RSF1: variants seen among roughly 807,000 people sequenced by gnomAD.
The protein encoded by RSF1 is HBV pX-associated protein 8.
Under a neutral mutation model 145.2 loss-of-function variants are expected in RSF1, and 13 were observed. The ratio of observed to expected loss-of-function variants is 0.09; its 90% confidence interval spans 0.06 to 0.14. The LOEUF (loss-of-function observed/expected upper bound fraction) is 0.14, where lower values mean the gene tolerates loss of function less well. Among genes scored for constraint, RSF1 ranks in the 10% least tolerant of loss-of-function variants. The probability of loss-of-function intolerance (pLI) is 1.00; values close to 1 mark genes in which losing one functional copy is unlikely to be tolerated. For missense variants in RSF1, 1,517 were observed against 1,718.2 expected (o/e 0.88, Z 2.07); for synonymous variants, 577 against 592.6 (o/e 0.97, Z 0.38).
intron 2 of RSF1, among the ~76,000 whole-genome samples, chr11:77,758,104 C>A (rs900192637): frequency 6.1e-5 from 9 of 148,528 alleles, no homozygotes; most frequent in Non-Finnish European, 1.0e-4. Context: ...CCACTGCACT[C>A]TAGACTGGGC....
At chr11:77,710,690 T>C (rs1264789078) in intron 5 of RSF1, among the ~76,000 whole-genome samples, 2 of 152,256 alleles carry the variant, frequency 1.3e-5, no homozygotes, top group East Asian at 1.9e-4. Flanking sequence ...CAGATGTTGA[T>C]ACTCAATATA....
chr11:77,668,978 A>C (rs1959448237), intron 15 of RSF1, among the ~76,000 whole-genome samples: 1 of 152,188 alleles, frequency 6.6e-6, no homozygotes. Context: ...CCTACTCGAC[A>C]TCTAGGCTTG....
At chr11:77,764,113 C>G (rs1217536626) in intron 2 of RSF1, 1 of 153,804 alleles carries the variant, frequency 6.5e-6, no homozygotes, top group Non-Finnish European at 1.4e-5. Flanking sequence ...TATGCCGCAG[C>G]TGATCTCAGA....
At chr11:77,718,366 T>C (rs1223759257) in intron 5 of RSF1, 6 of 152,182 alleles carry the variant, frequency 3.9e-5, no homozygotes, top group South Asian at 2.1e-4. Flanking sequence ...TAAGAATATA[T>C]AGCTGCACAT....
At chr11:77,686,693 C>T (rs894119660) in intron 9 of RSF1, among the ~76,000 whole-genome samples, 2 of 152,012 alleles carry the variant, frequency 1.3e-5, no homozygotes, top group African/African-American at 4.8e-5. Context: ...GTTTAAAAAT[C>T]ATTCAGTGGA....
At chr11:77,686,983 G>A (rs918600189) in intron 9 of RSF1, among the ~76,000 whole-genome samples, 4 of 152,158 alleles carry the variant, frequency 2.6e-5, no homozygotes, top group African/African-American at 9.7e-5. Context: ...TTATGACATA[G>A]GGAGTAAGTA....
chr11:77,803,470 A>C (rs1415080523), intron 1 of RSF1, among the ~76,000 whole-genome samples: 1 of 151,426 alleles, frequency 6.6e-6, no homozygotes, highest in Non-Finnish European at 1.5e-5. Flanking sequence ...ATCACAAAAC[A>C]AATACCCTAA....
At chr11:77,850,571 A>G in the RSF1 span, 3 of 152,208 alleles carry the variant, frequency 2.0e-5, no homozygotes, top group Non-Finnish European at 4.4e-5. Context: ...ATAAAATTAA[A>G]GAAAAACCAA....
intron 1 of RSF1, among the ~76,000 whole-genome samples, chr11:77,819,660 C>A (rs963833349): frequency 6.6e-6 from 1 of 152,198 alleles, no homozygotes; most frequent in Non-Finnish European, 1.5e-5. Flanking sequence ...CTAACCACCC[C>A]ACCCTACCGT....
At chr11:77,715,248 A>G (rs2135872662) in intron 5 of RSF1, among the ~76,000 whole-genome samples, 1 of 152,270 alleles carries the variant, frequency 6.6e-6, no homozygotes, top group Admixed American at 6.5e-5. Flanking sequence ...TACAAGAAAG[A>G]AATGCAAACG....
intron 5 of RSF1, among the ~76,000 whole-genome samples, chr11:77,708,998 G>T (rs564428065): frequency 6.4e-4 from 97 of 152,286 alleles, no homozygotes; most frequent in African/African-American, 2.2e-3. Context: ...AATAAAATTT[G>T]ATTAATAAAA....
At chr11:77,863,721 C>T in the RSF1 span, among the ~76,000 whole-genome samples, 1 of 152,006 alleles carries the variant, frequency 6.6e-6, no homozygotes, top group Non-Finnish European at 1.5e-5. Flanking sequence ...CACTATGTTG[C>T]CCAGGCTGGT....
chr11:77,863,574 A>C, the RSF1 span, among the ~76,000 whole-genome samples: 1 of 152,124 alleles, frequency 6.6e-6, no homozygotes, highest in South Asian at 2.1e-4. Flanking sequence ...ATTTTAGTAG[A>C]GACAGGGTTT....
At chr11:77,757,992 G>T (rs1235702758) in intron 2 of RSF1, among the ~76,000 whole-genome samples, 2 of 152,020 alleles carry the variant, frequency 1.3e-5, no homozygotes, top group African/African-American at 4.8e-5. Flanking sequence ...AATTAGCCAG[G>T]TGTGGTAGCG....
intron 1 of RSF1, among the ~76,000 whole-genome samples, chr11:77,800,959 C>T (rs370713930): frequency 2.0e-5 from 3 of 152,172 alleles, no homozygotes; most frequent in East Asian, 1.9e-4. Context: ...GAGCCATAAT[C>T]GCACTATCGC....
chr11:77,701,993 C>T lies in RSF1; in HGVS notation c.1236G>A (p.Glu412=). 6.2e-7 allele frequency: 1 copy of T among 1,613,952 alleles called. No individual in the cohort carries two copies. Among genetic ancestry groups the T allele is most frequent in the Non-Finnish European group, 8.5e-7 (1 of 1,179,946 alleles). Residue 412 remains glutamate, a synonymous_variant, in exon 6 of 16, where the codon GAG becomes GAA. Coordinates refer to ENST00000308488, the MANE Select transcript of RSF1 (RefSeq NM_016578.4). ...CTTGTTTTATTTCATCTTTCAAAAACTCTTTTGTTGGAGTAACTGATTTAC... is the reference window on the plus strand; with the variant it reads ...CTTGTTTTATTTCATCTTTCAAAAATTCTTTTGTTGGAGTAACTGATTTAC... The part of the protein sequence containing the change: ...PLCKSVTPTK[E]FLKDEIKQEE...
At chr11:77,862,583 G>A in the RSF1 span, among the ~76,000 whole-genome samples, 3 of 152,088 alleles carry the variant, frequency 2.0e-5, no homozygotes, top group African/African-American at 7.2e-5. Context: ...TAGGTTGAAG[G>A]GGTGTCCTTA....
chr11:77,662,084 A>G lies in RSF1; in HGVS notation c.*4833T>C, dbSNP rs938482859. 1 of 152,156 alleles carries G rather than the reference A, an allele frequency of 6.6e-6. No homozygotes were observed. Among genetic ancestry groups the G allele is most frequent in the African/African-American group, 2.4e-5 (1 of 41,454 alleles). 9.4% of individuals were successfully genotyped at this position (152,156 alleles called of 1,614,324 possible). The stretch of plus-strand genomic sequence containing the variant: ...CTAACTTGTACCGGTTTGGCCAAAA[A>G]AGGAAAAAACAAAATTCCTTTAAAA... On this transcript the variant is annotated 3_prime_UTR_variant, in exon 16 of 16. Transcript: ENST00000308488.
chr11:77,853,274 G>C, the RSF1 span, among the ~76,000 whole-genome samples: 6 of 152,202 alleles, frequency 3.9e-5, no homozygotes, highest in Admixed American at 2.6e-4. Flanking sequence ...AGACTGGTTA[G>C]TTTCTAAAGA....
Sources: gnomAD v4.1 joint callset for allele counts (sites outside exome capture counted in the v4.1 genomes callset) on GRCh38, gnomAD v4.1.1 for gene constraint, MANE v1.5 for transcripts, NCBI Gene and HGNC (gene_info 2026-07-23, HGNC 2026-07-21) for gene names.